FOXO1: variants seen among roughly 807,000 people sequenced by gnomAD.
FOXO1 encodes the protein forkhead box O1, also known as forkhead box protein O1.
A neutral mutation model predicts 44.1 loss-of-function variants in FOXO1; 6 were observed. The ratio of observed to expected loss-of-function variants is 0.14; its 90% confidence interval spans 0.07 to 0.27. The LOEUF is 0.27. FOXO1 is among the 10% of genes least tolerant of loss of function. The pLI is 1.00. For synonymous variants in FOXO1, 380 were observed against 362.7 expected (o/e 1.05, Z -0.54); for missense variants, 737 against 888.8 (o/e 0.83, Z 2.17).
At chr13:40,633,616 G>A (rs188674267) in intron 1 of FOXO1, among the ~76,000 whole-genome samples, 201 of 152,282 alleles carry the variant, frequency 1.3e-3, no homozygotes, top group Admixed American at 3.3e-3. Flanking sequence ...GGAGATATGG[G>A]AAGAATGGGG....
rs973138152 is a variant in FOXO1, at chr13:40,556,303, C to CT, written c.*2745dup. The CT allele has an allele frequency of 8.5e-5, 13 of 152,620 alleles. No individual in the cohort carries two copies. The highest frequency in any genetic ancestry group is 2.9e-4 in the African/African-American group (12 of 41,440). The allele number at this position is 152,620 out of a possible 1,614,324, so 9.5% of individuals were successfully genotyped here. A position where few individuals can be genotyped will look rare whatever the true frequency, so the allele number is the denominator to read the frequency against. On this transcript the variant is annotated 3_prime_UTR_variant, in exon 3 of 3. Transcript: ENST00000379561. Reference sequence around the variant, plus strand: ...ACTGGGATACATGTGCTCATTTAGACTTTGTCAGTTTGTCAAAGCAGAACT... The same window carrying CT: ...ACTGGGATACATGTGCTCATTTAGACTTTTGTCAGTTTGTCAAAGCAGAACT...
chr13:40,631,622 A>G (rs186996319), intron 1 of FOXO1, among the ~76,000 whole-genome samples: 1 of 152,366 alleles, frequency 6.6e-6, no homozygotes, highest in East Asian at 1.9e-4. Flanking sequence ...GACACAAGTT[A>G]CAACATGGAT....
intron 1 of FOXO1, among the ~76,000 whole-genome samples, chr13:40,610,337 A>G (rs1282922011): frequency 1.3e-5 from 2 of 152,210 alleles, no homozygotes; most frequent in Non-Finnish European, 2.9e-5. Flanking sequence ...AAAACCAGCA[A>G]GCAATAATTG....
intron 1 of FOXO1, among the ~76,000 whole-genome samples, chr13:40,652,840 C>A (rs1269734883): frequency 6.6e-6 from 1 of 152,144 alleles, no homozygotes; most frequent in Non-Finnish European, 1.5e-5. Flanking sequence ...CTTGTATGAA[C>A]CACTCCCAAA....
chr13:40,619,143 C>T (rs1876523090), intron 1 of FOXO1: 8 of 354,996 alleles, frequency 2.3e-5, no homozygotes, highest in African/African-American at 4.3e-5. Context: ...AAAAATTAGC[C>T]GGGTGTGGTG....
At chr13:40,592,207 C>T (rs1301168765) in intron 1 of FOXO1, among the ~76,000 whole-genome samples, 1 of 152,186 alleles carries the variant, frequency 6.6e-6, no homozygotes, top group East Asian at 1.9e-4. Flanking sequence ...CTTATTCAAT[C>T]TTCATGCTAC....
chr13:40,637,841 A>G (rs1877211701), intron 1 of FOXO1, among the ~76,000 whole-genome samples: 1 of 152,184 alleles, frequency 6.6e-6, no homozygotes, highest in Non-Finnish European at 1.5e-5. Context: ...ACTCTACTAT[A>G]CTGACTTCCT....
chr13:40,567,224 C>A (rs1874304369), intron 1 of FOXO1, among the ~76,000 whole-genome samples: 1 of 151,924 alleles, frequency 6.6e-6, no homozygotes, highest in Non-Finnish European at 1.5e-5. Context: ...TATATTTAAC[C>A]AAAAATAATG....
intron 1 of FOXO1, among the ~76,000 whole-genome samples, chr13:40,648,824 T>TA (rs1877587921): frequency 6.6e-6 from 1 of 152,218 alleles, no homozygotes; most frequent in Non-Finnish European, 1.5e-5. Flanking sequence ...TGATGAAAGA[T>TA]AGAAGGGGCA....
chr13:40,568,224 A>G (rs1874347155), intron 1 of FOXO1, among the ~76,000 whole-genome samples: 1 of 152,220 alleles, frequency 6.6e-6, no homozygotes, highest in Non-Finnish European at 1.5e-5. Flanking sequence ...ACTGGAACAT[A>G]TGATTAAATG....
At chr13:40,582,241 T>C (rs925926930) in intron 1 of FOXO1, among the ~76,000 whole-genome samples, 3 of 152,210 alleles carry the variant, frequency 2.0e-5, no homozygotes, top group Admixed American at 2.0e-4. Flanking sequence ...AATGTACACA[T>C]CTTAATTAAA....
Position 40,666,264 on chromosome 13 carries a change from C to T in FOXO1, c.-52G>A. On this transcript the variant is annotated 5_prime_UTR_variant, in exon 1 of 3. Coordinates refer to ENST00000379561, the MANE Select transcript of FOXO1 (RefSeq NM_002015.4). ...CAGGAGAGCCAAGAGGGGGAGAACG[C>T]AGCACTGGGGGCGGACGGGGAGGGG... is the stretch of plus-strand genomic sequence containing the variant. 1 of 1,330,194 alleles carries T rather than the reference C, an allele frequency of 7.5e-7. No homozygotes were observed. The highest frequency in any genetic ancestry group is 3.1e-5 in the East Asian group (1 of 32,110). 82.4% of individuals were successfully genotyped at this position (1,330,194 alleles called of 1,614,324 possible). A position where few individuals can be genotyped will look rare whatever the true frequency, so the allele number is the denominator to read the frequency against.
intron 1 of FOXO1, among the ~76,000 whole-genome samples, chr13:40,653,619 T>G (rs1877756246): frequency 6.6e-6 from 1 of 152,186 alleles, no homozygotes; most frequent in African/African-American, 2.4e-5. Context: ...CTTTCCTCAT[T>G]AGGCCCAAAT....
intron 1 of FOXO1, among the ~76,000 whole-genome samples, chr13:40,632,327 A>G (rs760523759): frequency 6.6e-6 from 1 of 152,242 alleles, no homozygotes; most frequent in Non-Finnish European, 1.5e-5. Context: ...AATCATATAT[A>G]TAAGGGATTA....
rs1272737514 is a variant in FOXO1 at position 40,564,944 on chromosome 13, G to GTA, written c.631-4085_631-4084insTA. Reference sequence around the variant, plus strand: ...TGACCCAATGAGCTCCACAGATGGGGGAGTCGGGGAACCCCGACATGGTGT... The same window carrying GTA: ...TGACCCAATGAGCTCCACAGATGGGGTAGAGTCGGGGAACCCCGACATGGTGT... On this transcript the variant is annotated intron_variant, in intron 1 of 2. Coordinates refer to ENST00000379561, the MANE Select transcript of FOXO1 (RefSeq NM_002015.4). Among the ~76,000 whole-genome samples the GTA allele has an allele frequency of 5.3e-5, 8 of 152,294 alleles. No homozygotes were observed. In the East Asian group the frequency reaches 1.4e-3, roughly 26 times the overall value.
At chr13:40,643,620 C>G (rs1027917768) in intron 1 of FOXO1, among the ~76,000 whole-genome samples, 4 of 152,072 alleles carry the variant, frequency 2.6e-5, no homozygotes, top group Non-Finnish European at 4.4e-5. Flanking sequence ...AAACTTGCTA[C>G]ACAATTACTA....
At chr13:40,652,659 A>C (rs1877723658) in intron 1 of FOXO1, among the ~76,000 whole-genome samples, 1 of 152,226 alleles carries the variant, frequency 6.6e-6, no homozygotes. Context: ...CCTGAAGGTT[A>C]GAGAAGAGAA....
At chr13:40,615,807 G>A (rs73465302) in intron 1 of FOXO1, among the ~76,000 whole-genome samples, 116 of 152,308 alleles carry the variant, frequency 7.6e-4, no homozygotes, top group African/African-American at 2.7e-3. Context: ...AGTGACCAGA[G>A]AGACATGAAA....
chr13:40,566,186 C>A (rs1295234285), intron 1 of FOXO1, among the ~76,000 whole-genome samples: 1 of 152,096 alleles, frequency 6.6e-6, no homozygotes, highest in Non-Finnish European at 1.5e-5. Flanking sequence ...CCTCAACAGG[C>A]CAGTTGGGAA....
Sources: allele counts gnomAD v4.1 joint callset (sites outside exome capture counted in the v4.1 genomes callset), GRCh38; gene constraint gnomAD v4.1.1; transcripts MANE v1.5; gene names NCBI Gene and HGNC (gene_info 2026-07-23, HGNC 2026-07-21).